The following BNC2 variants were observed in gnomAD, a reference collection of about 807,000 sequenced individuals.
BNC2 encodes basonuclin zinc finger protein 2, also known as zinc finger protein basonuclin-2.
A neutral mutation model predicts 76.3 loss-of-function variants in BNC2; 20 were observed. The ratio of observed to expected loss-of-function variants is 0.26; its 90% CI spans 0.18 to 0.38. BNC2 has a LOEUF of 0.38. BNC2 is among the 10% of genes least tolerant of loss of function. The pLI, the probability that BNC2 is intolerant of heterozygous loss-of-function variation, is 1.00. For missense variants in BNC2, 1,382 were observed against 1,399.8 expected (o/e 0.99, Z 0.20); for synonymous variants, 582 against 514.8 (o/e 1.13, Z -1.77).
At chr9:16,659,384 C>A (rs376358520) in intron 3 of BNC2, among the ~76,000 whole-genome samples, 1 of 151,956 alleles carries the variant, frequency 6.6e-6, no homozygotes, top group Admixed American at 6.6e-5. Flanking sequence ...CCGAGGTGGG[C>A]AGATCAGGAG....
chr9:16,556,453 G>C (rs1322217133), intron 4 of BNC2, among the ~76,000 whole-genome samples: 1 of 151,606 alleles, frequency 6.6e-6, no homozygotes, highest in Admixed American at 6.6e-5. Flanking sequence ...CCTAGGAGAT[G>C]AGCCATAGAT....
chr9:16,703,749 G>A (rs898156504), intron 3 of BNC2, among the ~76,000 whole-genome samples: 7 of 152,134 alleles, frequency 4.6e-5, no homozygotes, highest in African/African-American at 1.7e-4. Flanking sequence ...AGGGCACACG[G>A]GTCCACTCAT....
At chr9:16,485,111 G>GACAC (rs58432278) in intron 5 of BNC2, among the ~76,000 whole-genome samples, 7,529 of 143,630 alleles carry the variant, frequency 0.052, 197 homozygotes, top group Non-Finnish European at 0.056. Context: ...GACACACACA[G>GACAC]ACACACACAC....
chr9:16,843,127 TGATA>T (rs1387711061), intron 1 of BNC2, among the ~76,000 whole-genome samples: 2 of 152,234 alleles, frequency 1.3e-5, no homozygotes, highest in Non-Finnish European at 1.5e-5. Context: ...AAAATAGATT[TGATA>T]GATAGATAAT....
chr9:16,497,012 T>C (rs1822404883), intron 5 of BNC2, among the ~76,000 whole-genome samples: 1 of 152,242 alleles, frequency 6.6e-6, no homozygotes, highest in African/African-American at 2.4e-5. Context: ...TTTCTGAAGA[T>C]AGCAGAGTAA....
intron 3 of BNC2, among the ~76,000 whole-genome samples, chr9:16,619,493 T>C (rs1286025780): frequency 1.3e-5 from 2 of 152,166 alleles, no homozygotes; most frequent in Non-Finnish European, 2.9e-5. Flanking sequence ...GTTAAAATAA[T>C]ATATTACACA....
intron 5 of BNC2, among the ~76,000 whole-genome samples, chr9:16,459,215 C>T (rs1458556137): frequency 5.3e-5 from 8 of 152,158 alleles, no homozygotes; most frequent in East Asian, 1.9e-4. Context: ...CATTCTAACA[C>T]GTGCAATCAC....
At chr9:16,435,527 C>A (rs781071294) in intron 6 of BNC2, 28 bp downstream of exon 6, 12 of 1,612,712 alleles carry the variant, frequency 7.4e-6, no homozygotes, top group Non-Finnish European at 9.3e-6. Flanking sequence ...CCACCCCCAG[C>A]AGGAGCAGCC....
intron 5 of BNC2, among the ~76,000 whole-genome samples, chr9:16,497,598 A>C (rs1211485007): frequency 2.0e-5 from 3 of 152,172 alleles, no homozygotes; most frequent in African/African-American, 7.2e-5. Flanking sequence ...GGTATAAATA[A>C]ACAAATAGGT....
intron 3 of BNC2, among the ~76,000 whole-genome samples, chr9:16,595,936 G>A (rs1217950048): frequency 6.6e-6 from 1 of 152,072 alleles, no homozygotes; most frequent in African/African-American, 2.4e-5. Context: ...GTCATCTTGG[G>A]CATGTGGACT....
intron 5 of BNC2, among the ~76,000 whole-genome samples, chr9:16,506,267 G>T (rs2131846180): frequency 6.6e-6 from 1 of 152,218 alleles, no homozygotes; most frequent in Non-Finnish European, 1.5e-5. Context: ...GTAGACGAAG[G>T]CCACCCACTC....
chr9:16,711,342 T>C (rs1377409174), intron 3 of BNC2, among the ~76,000 whole-genome samples: 1 of 152,180 alleles, frequency 6.6e-6, no homozygotes, highest in Non-Finnish European at 1.5e-5. Context: ...TGTATTAACT[T>C]CCAGCACGTT....
chr9:16,786,976 C>CA (rs1826312589), intron 1 of BNC2, among the ~76,000 whole-genome samples: 1 of 152,140 alleles, frequency 6.6e-6, no homozygotes, highest in Non-Finnish European at 1.5e-5. Flanking sequence ...TTAAACAGGA[C>CA]AGGCTAGAGA....
intron 1 of BNC2, among the ~76,000 whole-genome samples, chr9:16,825,053 TTC>T (rs1818421484): frequency 2.6e-5 from 4 of 151,758 alleles, no homozygotes; most frequent in Admixed American, 2.6e-4. Flanking sequence ...TCTTTTTTTT[TTC>T]TTTCTGTAAA....
At chr9:16,599,796 A>G (rs1820195392) in intron 3 of BNC2, among the ~76,000 whole-genome samples, 1 of 152,210 alleles carries the variant, frequency 6.6e-6, no homozygotes, top group South Asian at 2.1e-4. Flanking sequence ...AAAAAGTAAT[A>G]TATTAAGATA....
chr9:16,496,294 G>T (rs540185798), intron 5 of BNC2, among the ~76,000 whole-genome samples: 101 of 152,288 alleles, frequency 6.6e-4, no homozygotes, highest in Non-Finnish European at 1.2e-3. Flanking sequence ...ATCTAATGTG[G>T]TTCTGTGCTT....
intron 4 of BNC2, among the ~76,000 whole-genome samples, chr9:16,562,858 T>G (rs2132703429): frequency 6.6e-6 from 1 of 152,366 alleles, no homozygotes; most frequent in South Asian, 2.1e-4. Context: ...ATAAGTTATA[T>G]ATTATAGTAC....
rs941258812 is a variant in BNC2, at chr9:16,515,123, G to C, written c.669+37407C>G. The stretch of plus-strand genomic sequence containing the variant: ...GGACCACTGAACAAGTGTTAATATT[G>C]CAAGTGGAAGCAACATCCAGAGGGA... On this transcript the variant is annotated intron_variant, in intron 5 of 6. Transcript: ENST00000380672. Among the ~76,000 whole-genome samples, 22 of 152,288 alleles carry C rather than the reference G, an allele frequency of 1.4e-4. 1 individual carries two copies. The Middle Eastern group carries it at 0.024, about 165-fold the overall frequency.
intron 1 of BNC2, among the ~76,000 whole-genome samples, chr9:16,780,234 T>TTAA (rs1240918300): frequency 1.3e-4 from 1 of 7,532 alleles, no homozygotes; most frequent in Non-Finnish European, 3.9e-4. Flanking sequence ...AGACTTCGTT[T>TTAA]CAAAAAAAAA....
Sources: allele counts gnomAD v4.1 joint callset (sites outside exome capture counted in the v4.1 genomes callset), GRCh38; gene constraint gnomAD v4.1.1; transcripts MANE v1.5; gene names NCBI Gene and HGNC (gene_info 2026-07-23, HGNC 2026-07-21).